Variants in COL26A1 observed in about 807,000 individuals in gnomAD.
COL26A1 encodes collagen alpha-1(XXVI) chain.
Under a neutral mutation model 59.3 loss-of-function variants are expected in COL26A1, and 41 were observed. The observed-to-expected ratio is 0.69, with a 90% CI of 0.54 to 0.90. The LOEUF is 0.90. Among genes scored for constraint, COL26A1 ranks in the 40% least tolerant of loss-of-function variants. The probability of loss-of-function intolerance (pLI) is 0.00; values close to 1 mark genes in which losing one functional copy is unlikely to be tolerated. For synonymous variants in COL26A1, 266 were observed against 256.0 expected (o/e 1.04, Z -0.37); for missense variants, 612 against 602.3 (o/e 1.02, Z -0.17).
At chr7:101,369,098 G>T (rs2117001523) in intron 1 of COL26A1, among the ~76,000 whole-genome samples, 2 of 152,022 alleles carry the variant, frequency 1.3e-5, no homozygotes, top group Middle Eastern at 6.8e-3. Flanking sequence ...ACGTGTTGTG[G>T]AGATGGCTCT....
chr7:101,547,145 T>C lies in COL26A1; in HGVS notation c.857-11T>C. On this transcript the variant is annotated splice_polypyrimidine_tract_variant and intron_variant, in intron 7 of 12. Coordinates refer to ENST00000313669, the MANE Select transcript of COL26A1 (RefSeq NM_001278563.3). ...CCCACCAGACCCCTGGCCGCTCCGCTCTTCCCACAGATGGAGACTCAAGGC... is the reference window on the plus strand; with the variant it reads ...CCCACCAGACCCCTGGCCGCTCCGCCCTTCCCACAGATGGAGACTCAAGGC... 6.3e-7 allele frequency: 1 copy of C among 1,582,192 alleles called. No homozygotes were observed. The highest frequency in any genetic ancestry group is 8.6e-7 in the Non-Finnish European group (1 of 1,165,538).
intron 3 of COL26A1, among the ~76,000 whole-genome samples, chr7:101,504,001 A>G (rs1349362810): frequency 6.6e-6 from 1 of 152,128 alleles, no homozygotes; most frequent in Non-Finnish European, 1.5e-5. Flanking sequence ...CGAGCTCAGG[A>G]TGTGGGCAGG....
intron 5 of COL26A1, among the ~76,000 whole-genome samples, chr7:101,542,473 G>C (rs557604912): frequency 2.2e-4 from 33 of 152,288 alleles, no homozygotes; most frequent in African/African-American, 6.5e-4. Flanking sequence ...CTGAGGCTCA[G>C]AGAAGTTAAG....
Position 101,398,711 on chromosome 7 carries a change from A to T in COL26A1, c.159-21266A>T, listed in dbSNP as rs576604457. On this transcript the variant is annotated intron_variant, in intron 1 of 12. Transcript: ENST00000313669. ...TTGTCTGTACCTCGGGAAGCAATTCAGTCCCCTCCCCAGTTATCACTCCCC... is the reference window on the plus strand; with the variant it reads ...TTGTCTGTACCTCGGGAAGCAATTCTGTCCCCTCCCCAGTTATCACTCCCC... Among the ~76,000 whole-genome samples, 13 of 152,292 alleles carry T rather than the reference A, an allele frequency of 8.5e-5. 1 individual carries two copies. Among genetic ancestry groups the T allele is most frequent in the Admixed American group, 7.2e-4 (11 of 15,290 alleles).
intron 1 of COL26A1, among the ~76,000 whole-genome samples, chr7:101,371,443 G>T (rs570940499): frequency 6.6e-6 from 1 of 151,874 alleles, no homozygotes; most frequent in Admixed American, 6.6e-5. Flanking sequence ...GAGCCCAGGA[G>T]TTTGAGACCA....
intron 3 of COL26A1, among the ~76,000 whole-genome samples, chr7:101,461,093 A>G (rs917455389): frequency 1.3e-5 from 2 of 152,070 alleles, no homozygotes; most frequent in African/African-American, 4.8e-5. Context: ...CTCCTTCCTC[A>G]GCCTCCCAAG....
At chr7:101,378,053 G>GCA (rs1320723477) in intron 1 of COL26A1, among the ~76,000 whole-genome samples, 3 of 152,120 alleles carry the variant, frequency 2.0e-5, no homozygotes, top group African/African-American at 7.2e-5. Context: ...CTACAGGTGT[G>GCA]CACCAGCATG....
At chr7:101,545,303 G>C (rs367876609) in intron 6 of COL26A1, 35 bp from the exon 7 acceptor site, 14 of 1,528,640 alleles carry the variant, frequency 9.2e-6, no homozygotes, top group Non-Finnish European at 1.2e-5. Context: ...GCCAGGCTCC[G>C]GCTGCCACAG....
intron 1 of COL26A1, among the ~76,000 whole-genome samples, chr7:101,409,074 A>T (rs969061753): frequency 8.5e-5 from 13 of 152,062 alleles, no homozygotes; most frequent in African/African-American, 3.1e-4. Context: ...TAGAATAATA[A>T]CAGTACTTAC....
At chr7:101,423,518 C>T (rs1042495550) in intron 2 of COL26A1, among the ~76,000 whole-genome samples, 3 of 151,852 alleles carry the variant, frequency 2.0e-5, no homozygotes, top group East Asian at 1.9e-4. Flanking sequence ...GTGGATCACA[C>T]GGTCAGGAGT....
intron 3 of COL26A1, among the ~76,000 whole-genome samples, chr7:101,510,511 C>A (rs1794899519): frequency 6.6e-6 from 1 of 152,182 alleles, no homozygotes; most frequent in Non-Finnish European, 1.5e-5. Context: ...GGCCTTTGCA[C>A]CTGCTATTCC....
At chr7:101,407,247 A>C (rs1407394632) in intron 1 of COL26A1, among the ~76,000 whole-genome samples, 1 of 152,102 alleles carries the variant, frequency 6.6e-6, no homozygotes, top group Non-Finnish European at 1.5e-5. Context: ...CCATGAGAGC[A>C]AGTCTGGTCC....
chr7:101,525,138 G>A (rs1795215024), intron 3 of COL26A1, among the ~76,000 whole-genome samples: 1 of 140,490 alleles, frequency 7.1e-6, no homozygotes, highest in Non-Finnish European at 1.5e-5. Flanking sequence ...TGCTGAGATA[G>A]TTCCCACTCA....
intron 1 of COL26A1, among the ~76,000 whole-genome samples, chr7:101,412,246 A>G (rs903345307): frequency 2.0e-5 from 3 of 152,174 alleles, no homozygotes; most frequent in East Asian, 3.9e-4. Context: ...CATTGCCATG[A>G]CAACACCAGG....
intron 8 of COL26A1, 91 bp downstream of exon 8, chr7:101,547,330 C>T: frequency 1.2e-6 from 1 of 846,064 alleles, no homozygotes; most frequent in Non-Finnish European, 1.8e-6. Context: ...TGGAGGTCGG[C>T]TGGCGGTCCA....
At chr7:101,489,782 CTT>C (rs1458021656) in intron 3 of COL26A1, among the ~76,000 whole-genome samples, 124 of 2,464 alleles carry the variant, frequency 0.05, 25 homozygotes, top group Non-Finnish European at 0.074. Context: ...TTCTTTCTTT[CTT>C]TCTTTCTTTC....
At chr7:101,418,936 T>A (rs1792441546) in intron 1 of COL26A1, among the ~76,000 whole-genome samples, 1 of 151,946 alleles carries the variant, frequency 6.6e-6, no homozygotes, top group Non-Finnish European at 1.5e-5. Flanking sequence ...GCAGGTCACA[T>A]GTCTCTTCCT....
intron 1 of COL26A1, among the ~76,000 whole-genome samples, chr7:101,412,575 G>A (rs1332440096): frequency 2.0e-5 from 3 of 151,078 alleles, no homozygotes; most frequent in Admixed American, 6.6e-5. Context: ...AACCTGGGAG[G>A]CGGAGGTTGT....
intron 3 of COL26A1, among the ~76,000 whole-genome samples, chr7:101,464,421 A>ATT (rs535109569): frequency 0.02 from 2,900 of 142,424 alleles, 99 homozygotes; most frequent in African/African-American, 0.071. Context: ...TTTTATTATT[A>ATT]TTTTTTTTGA....
Sources: gnomAD v4.1 joint callset for allele counts (sites outside exome capture counted in the v4.1 genomes callset) on GRCh38, gnomAD v4.1.1 for gene constraint, MANE v1.5 for transcripts, NCBI Gene and HGNC (gene_info 2026-07-23, HGNC 2026-07-21) for gene names.